Variants in DNAH12 observed in about 807,000 individuals in gnomAD.
The protein encoded by DNAH12 is dynein axonemal heavy chain 12.
In DNAH12, 285 loss-of-function variants were observed where a neutral mutation model predicts 371.5. The ratio of observed to expected loss-of-function variants is 0.77; its 90% CI spans 0.70 to 0.85. The LOEUF (loss-of-function observed/expected upper bound fraction) is 0.85. Among genes scored for constraint, DNAH12 ranks in the 40% least tolerant of loss-of-function variants. The pLI is 0.00. For missense variants in DNAH12, 3,611 were observed against 3,689.4 expected (o/e 0.98, Z 0.55); for synonymous variants, 1,200 against 1,213.0 (o/e 0.99, Z 0.22).
chr3:57,494,382 G>A (rs1424852035), intron 11 of DNAH12, among the ~76,000 whole-genome samples: 1 of 152,048 alleles, frequency 6.6e-6, no homozygotes, highest in Non-Finnish European at 1.5e-5. Flanking sequence ...GTGAGACCTT[G>A]TCTCTACTAA....
chr3:57,333,816 C>A (rs1328401878), intron 62 of DNAH12, among the ~76,000 whole-genome samples: 1 of 151,974 alleles, frequency 6.6e-6, no homozygotes, highest in Non-Finnish European at 1.5e-5. Flanking sequence ...GTCCAGTATC[C>A]AATCAGACAT....
intron 32 of DNAH12, among the ~76,000 whole-genome samples, chr3:57,432,217 T>TAG (rs2064978180): frequency 6.7e-6 from 1 of 148,984 alleles, no homozygotes; most frequent in Non-Finnish European, 1.5e-5. Context: ...TCGCCCAGGT[T>TAG]AGAGTGCAGT....
chr3:57,353,293 CTTTA>C (rs1258769137), intron 59 of DNAH12, among the ~76,000 whole-genome samples: 265 of 151,386 alleles, frequency 1.8e-3, no homozygotes, highest in African/African-American at 6.3e-3. Context: ...TAGTTTGGCA[CTTTA>C]TTTTTTTTTT....
chr3:57,541,754 G>C (rs1179760165), intron 2 of DNAH12, among the ~76,000 whole-genome samples: 1 of 151,656 alleles, frequency 6.6e-6, no homozygotes, highest in Non-Finnish European at 1.5e-5. Flanking sequence ...TTAAATATGA[G>C]TAAATTATTG....
At chr3:57,320,053 G>GTCA (rs1341281944) in intron 65 of DNAH12, among the ~76,000 whole-genome samples, 2 of 152,026 alleles carry the variant, frequency 1.3e-5, no homozygotes, top group Non-Finnish European at 2.9e-5. Context: ...CTTGGCCATG[G>GTCA]TGTATATATA....
In DNAH12 at chr3:57,499,673, T is replaced by TATATATATATATATACACAC. The variant is rs771112538; in HGVS notation, c.1335+1647_1335+1648insGTGTGTATATATATATATAT. On this transcript the variant is annotated intron_variant, in intron 11 of 73. Coordinates refer to ENST00000495027, the MANE Select transcript of DNAH12 (RefSeq NM_001366028.2). ...ATATATATATATATATATATATATA[T>TATATATATATATATACACAC]ATACTTCTTAAAAAAATTAGCCAGG... is the stretch of plus-strand genomic sequence containing the variant. 8.8e-4 allele frequency among the ~76,000 whole-genome samples: 39 copies of TATATATATATATATACACAC among 44,428 alleles called. 1 individual carries two copies. The highest frequency in any genetic ancestry group is 3.4e-3 in the African/African-American group (38 of 11,204). The allele number at this position is 44,428 out of a possible 152,430, so 29.1% of individuals were successfully genotyped here.
chr3:57,440,810 A>G (rs931897474), intron 29 of DNAH12, among the ~76,000 whole-genome samples: 1 of 152,198 alleles, frequency 6.6e-6, no homozygotes, highest in African/African-American at 2.4e-5. Flanking sequence ...CAACATAACA[A>G]GACCTCCTCT....
chr3:57,473,676 T>C (rs1308079416), intron 13 of DNAH12, among the ~76,000 whole-genome samples: 7 of 137,200 alleles, frequency 5.1e-5, no homozygotes, highest in African/African-American at 1.9e-4. Flanking sequence ...TTTTATATTA[T>C]ACATATGTAT....
intron 32 of DNAH12, among the ~76,000 whole-genome samples, chr3:57,431,689 T>G (rs962163342): frequency 6.6e-6 from 1 of 152,196 alleles, no homozygotes; most frequent in Non-Finnish European, 1.5e-5. Context: ...CCTAAGCTGC[T>G]TAGACTGGTA....
At chr3:57,381,832 T>C (rs1263297507) in intron 50 of DNAH12, among the ~76,000 whole-genome samples, 1 of 152,072 alleles carries the variant, frequency 6.6e-6, no homozygotes, top group South Asian at 2.1e-4. Context: ...GAATTCTGCA[T>C]AGACAGAAAA....
chr3:57,491,585 C>G (rs901458904), intron 11 of DNAH12, among the ~76,000 whole-genome samples: 2 of 152,048 alleles, frequency 1.3e-5, no homozygotes, highest in South Asian at 2.1e-4. Context: ...AACTATACTC[C>G]TAACTACTCC....
At chr3:57,519,113 C>T (rs1456885909) in intron 4 of DNAH12, among the ~76,000 whole-genome samples, 2 of 152,162 alleles carry the variant, frequency 1.3e-5, no homozygotes, top group Non-Finnish European at 2.9e-5. Flanking sequence ...GTAGTGAAAA[C>T]GAATCAAGGT....
chr3:57,356,035 G>T (rs1053082532), intron 59 of DNAH12, among the ~76,000 whole-genome samples: 1 of 152,164 alleles, frequency 6.6e-6, no homozygotes, highest in Non-Finnish European at 1.5e-5. Flanking sequence ...GAATTTGCCT[G>T]TAGGCATGCA....
chr3:57,428,812 C>T lies in DNAH12; in HGVS notation c.5074G>A (p.Val1692Ile), dbSNP rs1288443544. ...MDLSQASPATVSRCGMIYLEP... is the reference protein window; with the variant it reads ...MDLSQASPATISRCGMIYLEP... ...AAATAAATCATACCACAACGACTTA[C>T]AGTGGCAGGCTAGAGAAAAAAGGCA... The change falls in exon 34 of 74, where the codon GTA (valine) becomes ATA (isoleucine). Residue 1692 changes from valine (V) to isoleucine (I), a missense_variant. Physicochemically the swap from Val to Ile is conservative, Grantham distance 29 (BLOSUM62 3). Coordinates refer to ENST00000495027, the MANE Select transcript of DNAH12 (RefSeq NM_001366028.2). 2 of 1,527,466 alleles carry T rather than the reference C, an allele frequency of 1.3e-6. No homozygotes were observed. Among genetic ancestry groups the T allele is most frequent in the Non-Finnish European group, 1.8e-6 (2 of 1,139,070 alleles). The allele number at this position is 1,527,466 out of a possible 1,614,324, so 94.6% of individuals were successfully genotyped here.
chr3:57,483,634 C>T, intron 12 of DNAH12, 123 bp from the exon 13 acceptor site: 9 of 1,131,390 alleles, frequency 8.0e-6, no homozygotes, highest in Non-Finnish European at 8.4e-6. Flanking sequence ...TTGCTTGATT[C>T]ACTAAGGTAT....
chr3:57,550,377 AAC>A, the DNAH12 span, among the ~76,000 whole-genome samples: 1 of 152,228 alleles, frequency 6.6e-6, no homozygotes. Flanking sequence ...AAACCTTATA[AAC>A]AAATAGATCC....
At chr3:57,344,088 G>A (rs2062478452) in intron 60 of DNAH12, among the ~76,000 whole-genome samples, 1 of 152,260 alleles carries the variant, frequency 6.6e-6, no homozygotes, top group East Asian at 1.9e-4. Context: ...GGTGTGCTGA[G>A]TACCGGTCCC....
intron 10 of DNAH12, among the ~76,000 whole-genome samples, 165 bp downstream of exon 10, chr3:57,502,158 C>T (rs1321867654): frequency 1.3e-5 from 2 of 152,158 alleles, no homozygotes; most frequent in Non-Finnish European, 2.9e-5. Context: ...CCGCCCGCCT[C>T]GGCCTCCCTG....
At chr3:57,369,926 T>A (rs1314931663) in intron 55 of DNAH12, among the ~76,000 whole-genome samples, 2 of 152,214 alleles carry the variant, frequency 1.3e-5, no homozygotes, top group African/African-American at 4.8e-5. Context: ...GAAATCTGAC[T>A]TCTATTTAAT....
Sources: gnomAD v4.1 joint callset for allele counts (sites outside exome capture counted in the v4.1 genomes callset) on GRCh38, gnomAD v4.1.1 for gene constraint, MANE v1.5 for transcripts, NCBI Gene and HGNC (gene_info 2026-07-23, HGNC 2026-07-21) for gene names.